The following ATP9B variants were observed in gnomAD, a reference collection of about 807,000 sequenced individuals.
ATP9B encodes ATPase phospholipid transporting 9B, also known as probable phospholipid-transporting ATPase IIB.
Under a neutral mutation model 146.1 loss-of-function variants are expected in ATP9B, and 110 were observed. The ratio of observed to expected loss-of-function variants is 0.75; its 90% confidence interval spans 0.65 to 0.88. The LOEUF is 0.88. Ranked by LOEUF, ATP9B falls within the 40% of genes least tolerant of loss-of-function variation. The pLI is 0.00. For synonymous variants in ATP9B, 604 were observed against 569.7 expected, an observed-to-expected ratio of 1.06 and a Z score of -0.86; for missense variants, 1,499 against 1,496.4, an observed-to-expected ratio of 1.00 and a Z score of -0.03.
chr18:79,285,727 C>T (rs1055420200), intron 13 of ATP9B, among the ~76,000 whole-genome samples: 15 of 152,210 alleles, frequency 9.9e-5, no homozygotes, highest in African/African-American at 3.4e-4. Flanking sequence ...CCTAGGTTCT[C>T]TTCTAGAGTT....
chr18:79,157,802 T>G (rs1012801721), intron 7 of ATP9B, among the ~76,000 whole-genome samples: 3 of 152,180 alleles, frequency 2.0e-5, no homozygotes, highest in Admixed American at 1.3e-4. Flanking sequence ...GTGCAGTTGT[T>G]TTTAGGATTT....
intron 8 of ATP9B, among the ~76,000 whole-genome samples, chr18:79,185,573 G>A (rs893490272): frequency 1.3e-5 from 2 of 152,076 alleles, no homozygotes; most frequent in African/African-American, 2.4e-5. Context: ...TAGGAAAAAA[G>A]GAAGTTCAAC....
intron 1 of ATP9B, among the ~76,000 whole-genome samples, chr18:79,081,825 T>G (rs1294698670): frequency 3.3e-5 from 5 of 151,928 alleles, no homozygotes; most frequent in African/African-American, 1.2e-4. Flanking sequence ...CCTTTCTCTC[T>G]GGCTGCCCTA....
At chr18:79,374,364 G>A (rs112199288) in intron 28 of ATP9B, 3 of 172,558 alleles carry the variant, frequency 1.7e-5, no homozygotes, top group Non-Finnish European at 2.9e-5. Flanking sequence ...GCTGAGCCCC[G>A]TCGGTCACTG....
chr18:79,080,909 G>GA (rs2073181365), intron 1 of ATP9B, among the ~76,000 whole-genome samples: 1 of 152,314 alleles, frequency 6.6e-6, no homozygotes, highest in East Asian at 1.9e-4. Flanking sequence ...CTGTTTATGT[G>GA]ATGGATTACG....
chr18:79,355,071 G>A (rs2096943468), intron 25 of ATP9B, among the ~76,000 whole-genome samples: 1 of 152,244 alleles, frequency 6.6e-6, no homozygotes, highest in Non-Finnish European at 1.5e-5. Context: ...CATCCCCAGT[G>A]AAGGGGTAAT....
At chr18:79,252,441 G>C (rs999730837) in intron 11 of ATP9B, among the ~76,000 whole-genome samples, 1 of 152,008 alleles carries the variant, frequency 6.6e-6, no homozygotes, top group Admixed American at 6.5e-5. Context: ...CATTCCCCCA[G>C]CCCTACTCAC....
intron 9 of ATP9B, among the ~76,000 whole-genome samples, chr18:79,201,380 A>G (rs577154175): frequency 6.6e-6 from 1 of 152,324 alleles, no homozygotes; most frequent in Admixed American, 6.5e-5. Flanking sequence ...GTATCCACTT[A>G]TCTTCCTTTT....
At chr18:79,354,252 A>G (rs1186860603) in intron 25 of ATP9B, 1 of 152,232 alleles carries the variant, frequency 6.6e-6, no homozygotes, top group East Asian at 1.9e-4. Flanking sequence ...GTGTGTTCTC[A>G]TAGGTGACAA....
At chr18:79,213,907 A>T in intron 10 of ATP9B, 55 bp from the exon 11 acceptor site, 2 of 1,263,528 alleles carry the variant, frequency 1.6e-6, no homozygotes, top group African/African-American at 1.5e-5. Context: ...AGAAAGTGTT[A>T]TCTTTTACTC....
chr18:79,286,637 C>G (rs1241365840), intron 13 of ATP9B, among the ~76,000 whole-genome samples: 1 of 152,004 alleles, frequency 6.6e-6, no homozygotes, highest in Admixed American at 6.6e-5. Context: ...TTGCCCTGGC[C>G]AGAACTTCCA....
At chr18:79,215,845 C>T (rs2095622654) in intron 11 of ATP9B, among the ~76,000 whole-genome samples, 1 of 151,994 alleles carries the variant, frequency 6.6e-6, no homozygotes, top group African/African-American at 2.4e-5. Context: ...GAGCACCACC[C>T]CACCTGGCTA....
Position 79,337,310 on chromosome 18 carries a change from A to G in ATP9B, c.2144A>G (p.His715Arg), listed in dbSNP as rs1323032521. ...TACACTCAAGCCAAGCTGAGCATGC[A>G]CGACAGGTCCCTCAAGGTGGCCGCG... Reference protein sequence around the residue: ...SRYTQAKLSMHDRSLKVAAVV... With the variant: ...SRYTQAKLSMRDRSLKVAAVV... The change falls in exon 19 of 30, where the codon CAC becomes CGC. Residue 715 changes from histidine (H) to arginine (R), a missense_variant. Coordinates refer to ENST00000426216, the MANE Select transcript of ATP9B (RefSeq NM_198531.5). 1.2e-6 allele frequency: 2 copies of G among 1,614,044 alleles called. No homozygotes were observed. The highest frequency in any genetic ancestry group is 2.2e-5 in the East Asian group (1 of 44,886).
At chr18:79,175,651 A>G (rs2095153839) in intron 7 of ATP9B, among the ~76,000 whole-genome samples, 1 of 152,252 alleles carries the variant, frequency 6.6e-6, no homozygotes, top group Admixed American at 6.5e-5. Flanking sequence ...ATATGCACAC[A>G]CACAGAAACA....
At chr18:79,169,991 C>T (rs2095044615) in intron 7 of ATP9B, among the ~76,000 whole-genome samples, 1 of 152,242 alleles carries the variant, frequency 6.6e-6, no homozygotes, top group African/African-American at 2.4e-5. Context: ...TAAAGCCATA[C>T]TGTCATTACT....
intron 28 of ATP9B, among the ~76,000 whole-genome samples, chr18:79,375,104 C>T (rs2097095499): frequency 6.6e-6 from 1 of 152,212 alleles, no homozygotes; most frequent in Non-Finnish European, 1.5e-5. Flanking sequence ...GCGCGTGCGC[C>T]TTCTGTGCTG....
intron 11 of ATP9B, among the ~76,000 whole-genome samples, chr18:79,214,782 AT>A (rs1282956730): frequency 3.7e-4 from 56 of 152,348 alleles, no homozygotes; most frequent in African/African-American, 1.3e-3. Context: ...TCTGTGGGTA[AT>A]TAATAGTGAA....
intron 11 of ATP9B, among the ~76,000 whole-genome samples, chr18:79,240,232 TCTC>T (rs540448801): frequency 2.2e-4 from 34 of 152,312 alleles, no homozygotes; most frequent in African/African-American, 7.5e-4. Flanking sequence ...TGTAGTCTCT[TCTC>T]CTTTTCTCGA....
intron 2 of ATP9B, among the ~76,000 whole-genome samples, chr18:79,097,196 A>G (rs2074862458): frequency 6.6e-6 from 1 of 150,914 alleles, no homozygotes; most frequent in Non-Finnish European, 1.5e-5. Context: ...TAGTGACTTT[A>G]TAGCTAATGC....
Sources: gnomAD v4.1 joint callset for allele counts (sites outside exome capture counted in the v4.1 genomes callset) on GRCh38, gnomAD v4.1.1 for gene constraint, MANE v1.5 for transcripts, NCBI Gene and HGNC (gene_info 2026-07-23, HGNC 2026-07-21) for gene names.